Variants in MBD2 observed in about 807,000 individuals in gnomAD.
The protein encoded by MBD2 is methyl-CpG binding domain protein 2, also known as methyl-CpG-binding domain protein 2.
Under a neutral mutation model 39.3 loss-of-function variants are expected in MBD2, and 9 were observed. The observed-to-expected ratio is 0.23, with a 90% CI of 0.14 to 0.40. The LOEUF is 0.40. Among genes scored for constraint, MBD2 ranks in the 10% least tolerant of loss-of-function variants. The pLI is 1.00. For missense variants in MBD2, 458 were observed against 532.6 expected, an observed-to-expected ratio of 0.86 and a Z score of 1.38; for synonymous variants, 233 against 211.1, an observed-to-expected ratio of 1.10 and a Z score of -0.90.
At chr18:54,170,782 A>C (rs1455651886) in intron 3 of MBD2, among the ~76,000 whole-genome samples, 3 of 152,168 alleles carry the variant, frequency 2.0e-5, no homozygotes, top group Non-Finnish European at 2.9e-5. Context: ...TCAATTTGGG[A>C]AGACCTGGAA....
intron 6 of MBD2, among the ~76,000 whole-genome samples, chr18:54,156,405 A>G (rs1206628933): frequency 1.3e-5 from 2 of 152,244 alleles, no homozygotes; most frequent in African/African-American, 4.8e-5. Flanking sequence ...TAATCATTCA[A>G]CATTAGTTTG....
intron 3 of MBD2, among the ~76,000 whole-genome samples, chr18:54,184,798 T>C (rs1395223022): frequency 1.3e-5 from 2 of 152,240 alleles, no homozygotes; most frequent in Admixed American, 6.5e-5. Context: ...ACTACTCTAC[T>C]ATTCATTTGG....
Position 54,224,643 on chromosome 18 carries a change from C to T in MBD2, c.-84G>A. 1 of 1,017,376 alleles carries T rather than the reference C, an allele frequency of 9.8e-7. No homozygotes were observed. Among genetic ancestry groups the T allele is most frequent in the Non-Finnish European group, 1.3e-6 (1 of 792,684 alleles). The allele number at this position is 1,017,376 out of a possible 1,614,324, so 63.0% of individuals were successfully genotyped here. ...GAGACCCGCCCCGCCCGCAGCGCGG[C>T]GCGCGGGGGACGCGCGCAAGCATCA... On this transcript the variant is annotated 5_prime_UTR_variant, in exon 1 of 7. Coordinates refer to ENST00000256429, the MANE Select transcript of MBD2 (RefSeq NM_003927.5).
intron 1 of MBD2, among the ~76,000 whole-genome samples, chr18:54,212,823 G>A (rs1383775385): frequency 1.3e-5 from 2 of 151,084 alleles, no homozygotes; most frequent in African/African-American, 4.9e-5. Context: ...TAAGCCATGA[G>A]TTCAAGACAA....
chr18:54,161,308 A>G (rs2086096447), intron 5 of MBD2, among the ~76,000 whole-genome samples: 1 of 152,242 alleles, frequency 6.6e-6, no homozygotes, highest in South Asian at 2.1e-4. Flanking sequence ...GAATTTTCAA[A>G]AAGAGGGAAG....
chr18:54,173,278 C>A (rs775321259), intron 3 of MBD2, among the ~76,000 whole-genome samples: 5 of 152,008 alleles, frequency 3.3e-5, no homozygotes, highest in Non-Finnish European at 7.4e-5. Context: ...ATTTACTGGG[C>A]CCAGAACAAA....
chr18:54,218,449 G>A (rs146551926), intron 1 of MBD2, among the ~76,000 whole-genome samples: 1 of 152,310 alleles, frequency 6.6e-6, no homozygotes, highest in East Asian at 1.9e-4. Context: ...GCCCAATAAA[G>A]TAGATTAGAC....
chr18:54,180,447 A>G (rs1163319819), intron 3 of MBD2, among the ~76,000 whole-genome samples: 1 of 152,190 alleles, frequency 6.6e-6, no homozygotes, highest in African/African-American at 2.4e-5. Context: ...AAAAATTTCC[A>G]TTCATAATAA....
chr18:54,164,062 T>A (rs2086113865), intron 5 of MBD2, among the ~76,000 whole-genome samples: 1 of 152,020 alleles, frequency 6.6e-6, no homozygotes, highest in Non-Finnish European at 1.5e-5. Context: ...TGTTAAAAAT[T>A]TTTTGTGGAG....
chr18:54,190,792 A>C (rs1412100204), intron 2 of MBD2, among the ~76,000 whole-genome samples: 1 of 152,166 alleles, frequency 6.6e-6, no homozygotes, highest in Non-Finnish European at 1.5e-5. Flanking sequence ...TATTATATTT[A>C]ATACTTTTAA....
chr18:54,213,301 A>G (rs1368678293), intron 1 of MBD2, among the ~76,000 whole-genome samples: 1 of 152,148 alleles, frequency 6.6e-6, no homozygotes, highest in Non-Finnish European at 1.5e-5. Flanking sequence ...TCATAGGAGC[A>G]TGAACCCTAC....
At chr18:54,210,562 A>C (rs1437182470) in intron 1 of MBD2, among the ~76,000 whole-genome samples, 1 of 152,232 alleles carries the variant, frequency 6.6e-6, no homozygotes, top group Non-Finnish European at 1.5e-5. Flanking sequence ...GATAATCATA[A>C]TGTTCAGTCA....
At chr18:54,176,041 A>G (rs2086211226) in intron 3 of MBD2, among the ~76,000 whole-genome samples, 1 of 152,234 alleles carries the variant, frequency 6.6e-6, no homozygotes, top group Non-Finnish European at 1.5e-5. Context: ...AATGCCTTAT[A>G]AAACAGAAGA....
chr18:54,223,765 C>G (rs1268748864), intron 1 of MBD2, among the ~76,000 whole-genome samples: 2 of 152,144 alleles, frequency 1.3e-5, no homozygotes, highest in Admixed American at 6.5e-5. Flanking sequence ...CCAGGCTAAC[C>G]CTTTCTTCGC....
At chr18:54,210,982 C>T (rs1254175757) in intron 1 of MBD2, among the ~76,000 whole-genome samples, 8 of 148,234 alleles carry the variant, frequency 5.4e-5, no homozygotes, top group African/African-American at 2.0e-4. Flanking sequence ...CGCCATTCTC[C>T]TGCCTCAGCC....
chr18:54,203,015 C>T (rs372884376), intron 2 of MBD2: 55 of 1,147,392 alleles, frequency 4.8e-5, no homozygotes, highest in East Asian at 4.2e-4. Context: ...AGGGGGTAAG[C>T]ACATTCCAAG....
At chr18:54,170,374 T>C (rs1367202981) in intron 3 of MBD2, among the ~76,000 whole-genome samples, 1 of 152,184 alleles carries the variant, frequency 6.6e-6, no homozygotes, top group East Asian at 1.9e-4. Flanking sequence ...CAACTTGCCT[T>C]ATGAAGAATA....
chr18:54,223,903 G>C (rs1599117961), intron 1 of MBD2, 115 bp downstream of exon 1: 1 of 852,468 alleles, frequency 1.2e-6, no homozygotes, highest in East Asian at 3.3e-5. Context: ...CACCAAACCA[G>C]CCTGTCCCTG....
intron 1 of MBD2, among the ~76,000 whole-genome samples, chr18:54,206,620 T>C (rs2086451656): frequency 6.6e-6 from 1 of 152,210 alleles, no homozygotes; most frequent in Non-Finnish European, 1.5e-5. Flanking sequence ...CACAAACTCT[T>C]TGGTATTCTG....
Sources: allele counts gnomAD v4.1 joint callset (sites outside exome capture counted in the v4.1 genomes callset), GRCh38; gene constraint gnomAD v4.1.1; transcripts MANE v1.5; gene names NCBI Gene and HGNC (gene_info 2026-07-23, HGNC 2026-07-21).